The following ITGA9 variants were observed in gnomAD, a reference collection of about 807,000 sequenced individuals.
ITGA9 encodes integrin alpha-9.
In ITGA9, 56 loss-of-function variants were observed where a neutral mutation model predicts 127.8. The ratio of observed to expected loss-of-function variants is 0.44; its 90% CI spans 0.35 to 0.55. The LOEUF (loss-of-function observed/expected upper bound fraction) is 0.55, where lower values mean the gene tolerates loss of function less well. Ranked by LOEUF, ITGA9 falls within the 20% of genes least tolerant of loss-of-function variation. The probability of loss-of-function intolerance (pLI) is 0.00; values close to 1 mark genes in which losing one functional copy is unlikely to be tolerated. For synonymous variants in ITGA9, 508 were observed against 514.5 expected (o/e 0.99, Z 0.17); for missense variants, 1,196 against 1,347.1 (o/e 0.89, Z 1.76).
intron 23 of ITGA9, among the ~76,000 whole-genome samples, chr3:37,763,008 C>G (rs1559591349): frequency 6.6e-6 from 1 of 152,234 alleles, no homozygotes; most frequent in African/African-American, 2.4e-5. Context: ...ACAGTCCTCA[C>G]CACAAGAGGC....
chr3:37,569,261 T>C (rs925293633), intron 15 of ITGA9, among the ~76,000 whole-genome samples: 1 of 152,210 alleles, frequency 6.6e-6, no homozygotes, highest in Non-Finnish European at 1.5e-5. Flanking sequence ...ATGAGACTTA[T>C]TCACTTTCAT....
At chr3:37,786,005 AGG>A (rs1326648667) in intron 26 of ITGA9, among the ~76,000 whole-genome samples, 1 of 124,032 alleles carries the variant, frequency 8.1e-6, no homozygotes, top group Non-Finnish European at 1.7e-5. Flanking sequence ...TTGTTCTTGC[AGG>A]AGCAGGGGGG....
chr3:37,520,779 C>T (rs1371093815), intron 11 of ITGA9, among the ~76,000 whole-genome samples: 1 of 152,194 alleles, frequency 6.6e-6, no homozygotes, highest in African/African-American at 2.4e-5. Context: ...GGATGCTCTT[C>T]CCAGGGTGAC....
intron 16 of ITGA9, among the ~76,000 whole-genome samples, chr3:37,649,503 G>T (rs1328285082): frequency 6.6e-6 from 1 of 151,808 alleles, no homozygotes; most frequent in Non-Finnish European, 1.5e-5. Context: ...TAATGACAAA[G>T]GGTCAATTCA....
intron 15 of ITGA9, among the ~76,000 whole-genome samples, chr3:37,612,313 T>C (rs1196015819): frequency 2.0e-5 from 3 of 152,220 alleles, no homozygotes; most frequent in African/African-American, 7.2e-5. Flanking sequence ...AATTCAGTTA[T>C]ACTGAAATGG....
At chr3:37,691,092 A>G (rs1211621892) in intron 18 of ITGA9, among the ~76,000 whole-genome samples, 2 of 152,182 alleles carry the variant, frequency 1.3e-5, no homozygotes, top group Admixed American at 6.5e-5. Flanking sequence ...AGAGACCTAC[A>G]TGGTTTTGGA....
intron 27 of ITGA9, among the ~76,000 whole-genome samples, chr3:37,804,550 C>A (rs1697271248): frequency 1.3e-5 from 2 of 152,140 alleles, no homozygotes; most frequent in Non-Finnish European, 2.9e-5. Context: ...TTTCAGAGAC[C>A]CGGAGTCCTT....
At chr3:37,700,813 A>T (rs1456599110) in intron 18 of ITGA9, among the ~76,000 whole-genome samples, 1 of 152,252 alleles carries the variant, frequency 6.6e-6, no homozygotes, top group African/African-American at 2.4e-5. Flanking sequence ...GCACTCTTTC[A>T]ATTATTGTTT....
chr3:37,717,095 GTA>G (rs1486664989), intron 18 of ITGA9, among the ~76,000 whole-genome samples: 1 of 152,184 alleles, frequency 6.6e-6, no homozygotes, highest in Non-Finnish European at 1.5e-5. Flanking sequence ...CCCTAAGCTG[GTA>G]TATGTTTCTC....
intron 4 of ITGA9, among the ~76,000 whole-genome samples, chr3:37,489,707 T>A (rs75690408): frequency 8.3e-6 from 1 of 119,858 alleles, no homozygotes; most frequent in South Asian, 2.5e-4. Context: ...TTTTTTTTTT[T>A]TTACTAGAGC....
At chr3:37,584,569 A>G (rs1231407265) in intron 15 of ITGA9, among the ~76,000 whole-genome samples, 1 of 152,066 alleles carries the variant, frequency 6.6e-6, no homozygotes, top group Non-Finnish European at 1.5e-5. Context: ...ATCCTGGCCA[A>G]CGCGATGAAA....
intron 17 of ITGA9, among the ~76,000 whole-genome samples, chr3:37,664,051 G>A (rs1700562041): frequency 6.6e-6 from 1 of 152,206 alleles, no homozygotes; most frequent in Non-Finnish European, 1.5e-5. Flanking sequence ...GGCTCAGGAA[G>A]GCCAGGTTAC....
At chr3:37,556,201 C>T (rs892624778) in intron 15 of ITGA9, among the ~76,000 whole-genome samples, 1 of 152,186 alleles carries the variant, frequency 6.6e-6, no homozygotes, top group Non-Finnish European at 1.5e-5. Context: ...CAAGTTGCTT[C>T]ACCTTTACTG....
chr3:37,481,662 G>C, intron 4 of ITGA9, 55 bp downstream of exon 4: 4 of 1,606,880 alleles, frequency 2.5e-6, no homozygotes, highest in Non-Finnish European at 3.4e-6. Flanking sequence ...CCCTAAGCCC[G>C]CCTTCCCACC....
intron 15 of ITGA9, among the ~76,000 whole-genome samples, chr3:37,558,268 C>G (rs1699450110): frequency 6.6e-6 from 1 of 152,188 alleles, no homozygotes; most frequent in African/African-American, 2.4e-5. Context: ...TTCTGAAGAG[C>G]TTGAAGTCTG....
chr3:37,572,484 C>T (rs1378439126), intron 15 of ITGA9, among the ~76,000 whole-genome samples: 3 of 152,148 alleles, frequency 2.0e-5, no homozygotes, highest in African/African-American at 7.2e-5. Flanking sequence ...CCTCCCTGCA[C>T]TTCAATTTCC....
At chr3:37,707,162 C>A (rs1701015691) in intron 18 of ITGA9, among the ~76,000 whole-genome samples, 1 of 152,046 alleles carries the variant, frequency 6.6e-6, no homozygotes, top group African/African-American at 2.4e-5. Flanking sequence ...ATCACAAGTT[C>A]CTTCTGCTTA....
In ITGA9 at chr3:37,659,872, C is replaced by T. The variant is rs142665313; in HGVS notation, c.1916+6082C>T. Among the ~76,000 whole-genome samples the T allele has an allele frequency of 2.0e-3, 309 of 152,054 alleles. No individual in the cohort carries two copies. In the Middle Eastern group the frequency reaches 0.024, roughly 12 times the overall value. ...CTTTCAGATGGGGTTTCTGTATGGA[C>T]GTACACTAGTACATTTTAACTTATG... On this transcript the variant is annotated intron_variant, in intron 17 of 27. Coordinates refer to ENST00000264741, the MANE Select transcript of ITGA9 (RefSeq NM_002207.3).
rs1455749544 is a variant in ITGA9, at chr3:37,778,878, T to C, written c.2668-1024T>C. Among the ~76,000 whole-genome samples, 23 of 144,160 alleles carry C rather than the reference T, an allele frequency of 1.6e-4. 1 individual carries two copies. In the South Asian group the frequency reaches 4.8e-3, roughly 30 times the overall value. 94.6% of individuals were successfully genotyped at this position (144,160 alleles called of 152,430 possible). A position where few individuals can be genotyped will look rare whatever the true frequency, so the allele number is the denominator to read the frequency against. On this transcript the variant is annotated intron_variant, in intron 24 of 27. Transcript: ENST00000264741. ...TTGCCACTTGAAAGGTTGGGTTTTTTTTTTTTTTTTTTTTTTTTACTTACA... is the reference window on the plus strand; with the variant it reads ...TTGCCACTTGAAAGGTTGGGTTTTTCTTTTTTTTTTTTTTTTTTACTTACA...
Sources: gnomAD v4.1 joint callset for allele counts (sites outside exome capture counted in the v4.1 genomes callset) on GRCh38, gnomAD v4.1.1 for gene constraint, MANE v1.5 for transcripts, NCBI Gene and HGNC (gene_info 2026-07-23, HGNC 2026-07-21) for gene names.